PDE11A: variants seen among roughly 807,000 people sequenced by gnomAD.
PDE11A encodes dual 3',5'-cyclic-AMP and -GMP phosphodiesterase 11A.
A neutral mutation model predicts 100.5 loss-of-function variants in PDE11A; 100 were observed. The ratio of observed to expected loss-of-function variants is 1.00; its 90% CI spans 0.85 to 1.18. The LOEUF (loss-of-function observed/expected upper bound fraction) is 1.18. Ranked by LOEUF, PDE11A falls within the 50% of genes most tolerant of loss-of-function variation. The probability of loss-of-function intolerance (pLI) is 0.00; values close to 1 mark genes in which losing one functional copy is unlikely to be tolerated. For synonymous variants in PDE11A, 381 were observed against 420.8 expected, an observed-to-expected ratio of 0.91 and a Z score of 1.16; for missense variants, 1,141 against 1,152.6, an observed-to-expected ratio of 0.99 and a Z score of 0.15.
intron 19 of PDE11A, among the ~76,000 whole-genome samples, chr2:177,658,038 C>T (rs939424222): frequency 6.6e-6 from 1 of 152,126 alleles, no homozygotes; most frequent in Non-Finnish European, 1.5e-5. Flanking sequence ...GAGCTGGTGG[C>T]CAGGGCTGGC....
In PDE11A at chr2:177,806,038, T is replaced by C. The variant is rs1400420062; in HGVS notation, c.1737+10791A>G. ...GAGCCTGCCATCATAGAGCAACTCC[T>C]AAAAGGAGAAAAACTAGCAATTTTT... On this transcript the variant is annotated intron_variant, in intron 9 of 19. Transcript: ENST00000286063. Among the ~76,000 whole-genome samples, 3 of 152,132 alleles carry C rather than the reference T, an allele frequency of 2.0e-5. No homozygotes were observed. The East Asian group carries it at 5.8e-4, about 29-fold the overall frequency.
At chr2:178,082,391 T>G (rs1372054572) in intron 2 of PDE11A, among the ~76,000 whole-genome samples, 1 of 152,212 alleles carries the variant, frequency 6.6e-6, no homozygotes, top group Non-Finnish European at 1.5e-5. Context: ...TTTTTAATAG[T>G]AAAACCTTTT....
intron 10 of PDE11A, among the ~76,000 whole-genome samples, chr2:177,730,153 T>G (rs6752409): frequency 0.088 from 13,364 of 152,228 alleles, 1,970 homozygotes; most frequent in African/African-American, 0.3. Context: ...TGTATACATG[T>G]GCCACGTTGG....
chr2:177,765,088 C>A (rs1230550946), intron 10 of PDE11A, among the ~76,000 whole-genome samples: 1 of 152,214 alleles, frequency 6.6e-6, no homozygotes, highest in Admixed American at 6.5e-5. Flanking sequence ...ACACTCTAAT[C>A]CCATTCTCCC....
intron 2 of PDE11A, among the ~76,000 whole-genome samples, chr2:178,008,575 C>T (rs76948733): frequency 0.015 from 2,243 of 152,278 alleles, 43 homozygotes; most frequent in East Asian, 0.091. Flanking sequence ...GCACCCCTGA[C>T]ATCTCAATAA....
intron 1 of PDE11A, among the ~76,000 whole-genome samples, chr2:178,042,131 A>G (rs1273040261): frequency 6.6e-6 from 1 of 152,202 alleles, no homozygotes; most frequent in Non-Finnish European, 1.5e-5. Flanking sequence ...CTGGCTTCAC[A>G]TACCTCATAA....
intron 1 of PDE11A, among the ~76,000 whole-genome samples, chr2:178,033,681 A>C (rs1247429183): frequency 6.6e-6 from 1 of 152,252 alleles, no homozygotes; most frequent in Non-Finnish European, 1.5e-5. Context: ...AGGGAAGCCC[A>C]TCAGACTAAC....
intron 1 of PDE11A, among the ~76,000 whole-genome samples, chr2:178,107,172 C>T (rs1241266486): frequency 1.3e-5 from 2 of 151,892 alleles, no homozygotes; most frequent in East Asian, 1.9e-4. Flanking sequence ...TTTACTTCTG[C>T]CCTCTCTAAT....
intron 1 of PDE11A, among the ~76,000 whole-genome samples, chr2:178,025,358 T>C (rs1559046004): frequency 2.0e-5 from 3 of 152,204 alleles, no homozygotes. Flanking sequence ...ATCAAATAAT[T>C]TGATATGAAG....
chr2:177,779,919 T>TC lies in PDE11A; in HGVS notation c.1738-10547_1738-10546insG, dbSNP rs1369174635. On this transcript the variant is annotated intron_variant, in intron 9 of 19. Coordinates refer to ENST00000286063, the MANE Select transcript of PDE11A (RefSeq NM_016953.4). ...GCCAGATCCATTGTTGGAATCACTA[T>TC]GTATGGCAGCTACAGCCTTACAAAA... 1.0e-3 allele frequency among the ~76,000 whole-genome samples: 158 copies of TC among 152,358 alleles called. 1 individual carries two copies. Among genetic ancestry groups the TC allele is most frequent in the African/African-American group, 3.4e-3 (140 of 41,586 alleles).
At chr2:177,829,989 G>A (rs951296134) in intron 6 of PDE11A, among the ~76,000 whole-genome samples, 1 of 152,110 alleles carries the variant, frequency 6.6e-6, no homozygotes, top group Non-Finnish European at 1.5e-5. Context: ...ACAGCCAACT[G>A]GAGTGAGATT....
intron 2 of PDE11A, among the ~76,000 whole-genome samples, chr2:177,935,676 G>T (rs1409493734): frequency 1.3e-5 from 2 of 152,182 alleles, no homozygotes; most frequent in East Asian, 3.9e-4. Flanking sequence ...ACCAGAGGCA[G>T]ATCTGTTGGG....
At chr2:177,721,240 G>A (rs1374211340) in intron 12 of PDE11A, among the ~76,000 whole-genome samples, 1 of 152,084 alleles carries the variant, frequency 6.6e-6, no homozygotes, top group East Asian at 1.9e-4. Flanking sequence ...AGGAATCCAG[G>A]TTTTGCGGCT....
chr2:177,685,374 A>G (rs976918943), intron 15 of PDE11A, among the ~76,000 whole-genome samples: 1 of 152,170 alleles, frequency 6.6e-6, no homozygotes. Flanking sequence ...GGGCAACATA[A>G]CAAGTTGTAG....
At chr2:177,653,092 C>T (rs1173758039) in intron 19 of PDE11A, among the ~76,000 whole-genome samples, 5 of 152,272 alleles carry the variant, frequency 3.3e-5, no homozygotes, top group East Asian at 3.9e-4. Context: ...ATTGGTTCAT[C>T]GAGAGAATAT....
intron 1 of PDE11A, among the ~76,000 whole-genome samples, chr2:178,043,552 C>T (rs1334036763): frequency 1.3e-5 from 2 of 152,124 alleles, no homozygotes; most frequent in African/African-American, 4.8e-5. Flanking sequence ...GTGAGCTAGC[C>T]TTTAAAACAG....
chr2:177,903,300 A>T (rs541844459), intron 3 of PDE11A, among the ~76,000 whole-genome samples: 6 of 152,226 alleles, frequency 3.9e-5, no homozygotes, highest in African/African-American at 1.2e-4. Flanking sequence ...CCTTTTTGAT[A>T]ACCCTCTAAA....
intron 15 of PDE11A, among the ~76,000 whole-genome samples, chr2:177,684,139 C>T (rs2080908190): frequency 6.6e-6 from 1 of 152,118 alleles, no homozygotes; most frequent in South Asian, 2.1e-4. Context: ...TGAAGTCCAA[C>T]AAGTATTTAT....
rs879634142 is a variant in PDE11A at position 177,851,206 on chromosome 2, A to T, written c.1368-10823T>A. Among the ~76,000 whole-genome samples the T allele has an allele frequency of 7.2e-5, 11 of 152,284 alleles. No individual in the cohort carries two copies. In the South Asian group the frequency reaches 1.2e-3, roughly 17 times the overall value. On this transcript the variant is annotated intron_variant, in intron 5 of 19. Transcript: ENST00000286063. Reference sequence around the variant, plus strand: ...ATACACCATGGAATACTATGCAGCCATAAAAAAGGATGAGTTCATGTCCTT... The same window carrying T: ...ATACACCATGGAATACTATGCAGCCTTAAAAAAGGATGAGTTCATGTCCTT...
Sources: gnomAD v4.1 joint callset for allele counts (sites outside exome capture counted in the v4.1 genomes callset) on GRCh38, gnomAD v4.1.1 for gene constraint, MANE v1.5 for transcripts, NCBI Gene and HGNC (gene_info 2026-07-23, HGNC 2026-07-21) for gene names.